The following JARID2 variants were observed in gnomAD, a reference collection of about 807,000 sequenced individuals.
JARID2 encodes jumonji and AT-rich interaction domain containing 2.
A neutral mutation model predicts 125.6 loss-of-function variants in JARID2; 21 were observed. The observed-to-expected ratio is 0.17, with a 90% CI of 0.12 to 0.24. The LOEUF (loss-of-function observed/expected upper bound fraction) is 0.24, where lower values mean the gene tolerates loss of function less well. Among genes scored for constraint, JARID2 ranks in the 10% least tolerant of loss-of-function variants. The pLI, the probability that JARID2 is intolerant of heterozygous loss-of-function variation, is 1.00. For synonymous variants in JARID2, 736 were observed against 661.6 expected (o/e 1.11, Z -1.73); for missense variants, 1,303 against 1,639.6 (o/e 0.79, Z 3.55).
intron 14 of JARID2, 42 bp from the exon 15 acceptor site, chr6:15,512,873 G>A: frequency 6.3e-7 from 1 of 1,596,758 alleles, no homozygotes; most frequent in Non-Finnish European, 8.5e-7. Context: ...CAGCTGCCTA[G>A]TAATGAAAAT....
Position 15,513,439 on chromosome 6 carries a change from C to T in JARID2, c.3450+17C>T, listed in dbSNP as rs777794484. 2 of 1,558,592 alleles carry T rather than the reference C, an allele frequency of 1.3e-6. No homozygotes were observed. The highest frequency in any genetic ancestry group is 1.8e-6 in the Non-Finnish European group (2 of 1,141,380). On this transcript the variant is annotated intron_variant, in intron 16 of 17. Coordinates refer to ENST00000341776, the MANE Select transcript of JARID2 (RefSeq NM_004973.4). ...CTGTCCATGGTGAGCCCGCCTGGCC[C>T]TGCCGGCGCCCTCGCATGTAGTGCT...
At chr6:15,370,157 G>C (rs989245070) in intron 1 of JARID2, among the ~76,000 whole-genome samples, 5 of 152,144 alleles carry the variant, frequency 3.3e-5, no homozygotes, top group African/African-American at 1.2e-4. Context: ...TGCTATATCA[G>C]GCATGTTTTA....
chr6:15,308,658 A>G (rs1761915153), intron 1 of JARID2, among the ~76,000 whole-genome samples: 1 of 152,164 alleles, frequency 6.6e-6, no homozygotes, highest in Admixed American at 6.5e-5. Flanking sequence ...TGCTCTTATT[A>G]TCTTATTATG....
At chr6:15,292,031 C>CT (rs1265997919) in intron 1 of JARID2, among the ~76,000 whole-genome samples, 21 of 151,034 alleles carry the variant, frequency 1.4e-4, no homozygotes, top group African/African-American at 3.6e-4. Flanking sequence ...TGTGATTAGG[C>CT]TTTTTTTTTG....
At chr6:15,471,172 T>A (rs1156872406) in intron 5 of JARID2, among the ~76,000 whole-genome samples, 1 of 152,216 alleles carries the variant, frequency 6.6e-6, no homozygotes, top group East Asian at 1.9e-4. Context: ...ATGGGTTGAT[T>A]TGTGGAAAGG....
At position 15,375,319 on chromosome 6, in the gene JARID2, G is replaced by A. The variant is rs374504688; in HGVS notation, c.181+1067G>A. On this transcript the variant is annotated intron_variant, in intron 2 of 17. Coordinates refer to ENST00000341776, the MANE Select transcript of JARID2 (RefSeq NM_004973.4). ...TTGTGCTGTCTCCTTCCACTGTTGC[G>A]TGACTTGAAAGAAGAGCCTCTGTCC... Among the ~76,000 whole-genome samples the A allele has an allele frequency of 8.5e-5, 13 of 152,206 alleles. No homozygotes were observed. In the South Asian group the frequency reaches 1.0e-3, roughly 12 times the overall value.
At chr6:15,400,572 A>G (rs1765387047) in intron 2 of JARID2, among the ~76,000 whole-genome samples, 1 of 151,954 alleles carries the variant, frequency 6.6e-6, no homozygotes, top group South Asian at 2.1e-4. Context: ...CTCCCCCCAT[A>G]TGTCAGAAAT....
Position 15,246,444 on chromosome 6 carries a change from C to A in JARID2, c.-96C>A. The A allele has an allele frequency of 3.0e-6, 3 of 1,008,324 alleles. No individual in the cohort carries two copies. The highest frequency in any genetic ancestry group is 1.6e-5 in the African/African-American group (1 of 61,748). 62.5% of individuals were successfully genotyped at this position (1,008,324 alleles called of 1,614,324 possible). A position where few individuals can be genotyped will look rare whatever the true frequency, so the allele number is the denominator to read the frequency against. ...TTACAAGATCAACCACCACCAACAACAATAAAAACCACCAGGATATTTTTT... is the reference window on the plus strand; with the variant it reads ...TTACAAGATCAACCACCACCAACAAAAATAAAAACCACCAGGATATTTTTT... On this transcript the variant is annotated 5_prime_UTR_variant, in exon 1 of 18. Transcript: ENST00000341776.
chr6:15,454,286 G>C (rs973220319), intron 4 of JARID2, among the ~76,000 whole-genome samples: 1 of 152,108 alleles, frequency 6.6e-6, no homozygotes, highest in African/African-American at 2.4e-5. Flanking sequence ...CTTTGGGACT[G>C]AATTGTTGGG....
rs1410702470 is a variant in JARID2, at chr6:15,374,098, TTTTCTTATG to T, written c.46-12_46-4del. On this transcript the variant is annotated splice_polypyrimidine_tract_variant and intron_variant, in intron 1 of 17. Coordinates refer to ENST00000341776, the MANE Select transcript of JARID2 (RefSeq NM_004973.4). ...TGCTTTCTATTCAGTAACTCCTCTC[TTTTCTTATG>T]TTTCTTCAGGATGACAGTGATGGGA... The T allele has an allele frequency of 1.9e-6, 3 of 1,610,804 alleles. No homozygotes were observed. Among genetic ancestry groups the T allele is most frequent in the Non-Finnish European group, 2.5e-6 (3 of 1,178,626 alleles).
At chr6:15,376,944 A>G (rs1026853565) in intron 2 of JARID2, among the ~76,000 whole-genome samples, 1 of 152,084 alleles carries the variant, frequency 6.6e-6, no homozygotes, top group African/African-American at 2.4e-5. Context: ...TGTAACTGCA[A>G]GCTGTGTTGT....
intron 1 of JARID2, among the ~76,000 whole-genome samples, chr6:15,370,664 G>A (rs1372510039): frequency 2.6e-5 from 4 of 152,024 alleles, no homozygotes; most frequent in Admixed American, 6.6e-5. Context: ...TTTTTAGAGC[G>A]TTCAGTACTG....
intron 1 of JARID2, among the ~76,000 whole-genome samples, chr6:15,246,950 CTG>C (rs1759203521): frequency 1.3e-5 from 2 of 152,128 alleles, no homozygotes; most frequent in Non-Finnish European, 1.5e-5. Flanking sequence ...GCAAATGAGC[CTG>C]TGTTATTATT....
chr6:15,422,266 C>T (rs183466173), intron 3 of JARID2, among the ~76,000 whole-genome samples: 92 of 152,322 alleles, frequency 6.0e-4, no homozygotes, highest in Admixed American at 4.3e-3. Context: ...TTTTTCTTTA[C>T]TTTTCCTGCA....
intron 1 of JARID2, among the ~76,000 whole-genome samples, chr6:15,331,437 G>A (rs1262013854): frequency 6.6e-6 from 1 of 152,090 alleles, no homozygotes; most frequent in Admixed American, 6.6e-5. Context: ...ACTGGAAACT[G>A]TCTTTTTGAG....
At position 15,520,138 on chromosome 6, in the gene JARID2, T is replaced by C. The variant is rs1771763584; in HGVS notation, c.3628T>C (p.Cys1210Arg). Residue 1210 changes from cysteine to arginine, a missense_variant, in exon 18 of 18, where the codon TGT becomes CGT. This residue lies in a region of JARID2 where 75 missense variants were observed against 66.0 expected (regional missense o/e 1.14). Coordinates refer to ENST00000341776, the MANE Select transcript of JARID2 (RefSeq NM_004973.4). Reference protein sequence around the residue: ...VSGKNGSIENCLSKPTPKRGP... With the variant: ...VSGKNGSIENRLSKPTPKRGP... ...TGGTAAAAACGGCAGCATTGAGAAC[T>C]GTCTCAGTAAACCCACACCAAAAAG... The C allele has an allele frequency of 3.1e-6, 5 of 1,613,980 alleles. No individual in the cohort carries two copies. The highest frequency in any genetic ancestry group is 1.7e-4 in the Middle Eastern group (1 of 6,060).
chr6:15,432,449 A>AAACAACAAC (rs35484962), intron 3 of JARID2, among the ~76,000 whole-genome samples: 4 of 145,034 alleles, frequency 2.8e-5, no homozygotes, highest in African/African-American at 5.0e-5. Context: ...TCACCTTCAA[A>AAACAACAAC]AACAACAACA....
At chr6:15,307,070 C>T (rs1030356359) in intron 1 of JARID2, among the ~76,000 whole-genome samples, 2 of 151,210 alleles carry the variant, frequency 1.3e-5, no homozygotes, top group African/African-American at 4.9e-5. Context: ...TGAAACCTGT[C>T]TCTACTAAAG....
chr6:15,481,700 C>T (rs1581625216), intron 5 of JARID2, among the ~76,000 whole-genome samples: 1 of 152,108 alleles, frequency 6.6e-6, no homozygotes, highest in East Asian at 1.9e-4. Flanking sequence ...TTGGGTATAT[C>T]GCTGCTCTAA....
Sources: gnomAD v4.1 joint callset for allele counts (sites outside exome capture counted in the v4.1 genomes callset) on GRCh38, gnomAD v4.1.1 for gene constraint, gnomAD v4.1.1 regional missense constraint, MANE v1.5 for transcripts, NCBI Gene and HGNC (gene_info 2026-07-23, HGNC 2026-07-21) for gene names.